Variants in BNC2 observed in about 807,000 individuals in gnomAD.
BNC2 encodes the protein zinc finger protein basonuclin-2.
BNC2 carries 20 observed loss-of-function variants against 76.3 expected under a neutral mutation model. The ratio of observed to expected loss-of-function variants is 0.26; its 90% CI spans 0.18 to 0.38. The LOEUF is 0.38. BNC2 is among the 10% of genes least tolerant of loss of function. The pLI, the probability that BNC2 is intolerant of heterozygous loss-of-function variation, is 1.00. For synonymous variants in BNC2, 582 were observed against 514.8 expected, an observed-to-expected ratio of 1.13 and a Z score of -1.77; for missense variants, 1,382 against 1,399.8, an observed-to-expected ratio of 0.99 and a Z score of 0.20.
At chr9:16,854,392 T>C (rs1164089588) in intron 1 of BNC2, among the ~76,000 whole-genome samples, 5 of 152,188 alleles carry the variant, frequency 3.3e-5, no homozygotes, top group Admixed American at 6.5e-5. Flanking sequence ...AGAAAACAGA[T>C]ACAGAGATTA....
intron 1 of BNC2, among the ~76,000 whole-genome samples, chr9:16,773,176 C>T (rs965585010): frequency 6.6e-6 from 1 of 152,158 alleles, no homozygotes; most frequent in Non-Finnish European, 1.5e-5. Context: ...TCAGACACTG[C>T]AGTTCATAAA....
chr9:16,519,993 G>A (rs60889821), intron 5 of BNC2, among the ~76,000 whole-genome samples: 5,404 of 152,152 alleles, frequency 0.036, 330 homozygotes, highest in African/African-American at 0.12. Context: ...AGAATCCAAG[G>A]ACCAAATCAA....
chr9:16,741,053 A>C (rs1477377503), intron 1 of BNC2, among the ~76,000 whole-genome samples: 1 of 152,160 alleles, frequency 6.6e-6, no homozygotes, highest in African/African-American at 2.4e-5. Flanking sequence ...TCAATAAATA[A>C]CAGCTACATG....
chr9:16,486,614 C>T (rs1004833087), intron 5 of BNC2, among the ~76,000 whole-genome samples: 3 of 152,244 alleles, frequency 2.0e-5, no homozygotes, highest in South Asian at 2.1e-4. Context: ...TTTAATGACA[C>T]ATTAGGCTCT....
At chr9:16,708,346 T>C (rs144771081) in intron 3 of BNC2, among the ~76,000 whole-genome samples, 1 of 152,200 alleles carries the variant, frequency 6.6e-6, no homozygotes, top group Non-Finnish European at 1.5e-5. Context: ...AGTTTTCTCA[T>C]GAACTTCTAT....
chr9:16,544,664 C>A (rs183964652), intron 5 of BNC2, among the ~76,000 whole-genome samples: 408 of 151,868 alleles, frequency 2.7e-3, no homozygotes, highest in Non-Finnish European at 4.7e-3. Flanking sequence ...ACTAAAAATA[C>A]AAAAATTAGC....
At chr9:16,644,362 A>G (rs1472277567) in intron 3 of BNC2, among the ~76,000 whole-genome samples, 1 of 152,194 alleles carries the variant, frequency 6.6e-6, no homozygotes, top group Non-Finnish European at 1.5e-5. Flanking sequence ...TTTTGATTAA[A>G]ATTTTTAAAC....
chr9:16,470,324 G>A (rs1479829411), intron 5 of BNC2, among the ~76,000 whole-genome samples: 1 of 152,114 alleles, frequency 6.6e-6, no homozygotes, highest in Admixed American at 6.6e-5. Flanking sequence ...GGGAAGCAGA[G>A]CACAAAAGTT....
At chr9:16,785,891 T>C (rs967179584) in intron 1 of BNC2, among the ~76,000 whole-genome samples, 7 of 151,856 alleles carry the variant, frequency 4.6e-5, no homozygotes, top group Non-Finnish European at 8.8e-5. Context: ...TGCTGGGGCC[T>C]TTTCCCAGGG....
chr9:16,628,450 A>G (rs1821062576), intron 3 of BNC2, among the ~76,000 whole-genome samples: 1 of 152,212 alleles, frequency 6.6e-6, no homozygotes, highest in South Asian at 2.1e-4. Flanking sequence ...CAATTAAAGG[A>G]AAACACCTCT....
At chr9:16,761,673 T>C (rs1051267227) in intron 1 of BNC2, among the ~76,000 whole-genome samples, 2 of 152,208 alleles carry the variant, frequency 1.3e-5, no homozygotes, top group African/African-American at 4.8e-5. Context: ...TAATAAATGA[T>C]GGATGTCTTT....
At chr9:16,746,183 G>A (rs565507693) in intron 1 of BNC2, among the ~76,000 whole-genome samples, 1 of 152,112 alleles carries the variant, frequency 6.6e-6, no homozygotes, top group Non-Finnish European at 1.5e-5. Context: ...AGTCACCCAG[G>A]AGGTTGATAA....
At chr9:16,791,742 T>C (rs1193395269) in intron 1 of BNC2, among the ~76,000 whole-genome samples, 2 of 152,148 alleles carry the variant, frequency 1.3e-5, no homozygotes, top group African/African-American at 4.8e-5. Flanking sequence ...AAATAAGTAA[T>C]ACTACTACCT....
intron 5 of BNC2, among the ~76,000 whole-genome samples, chr9:16,481,454 A>C (rs1217964375): frequency 6.6e-6 from 1 of 152,160 alleles, no homozygotes; most frequent in Non-Finnish European, 1.5e-5. Context: ...TCACTCCTGA[A>C]GCCAGCGAGA....
At chr9:16,480,294 A>C (rs1443785081) in intron 5 of BNC2, among the ~76,000 whole-genome samples, 1 of 152,240 alleles carries the variant, frequency 6.6e-6, no homozygotes, top group Non-Finnish European at 1.5e-5. Flanking sequence ...CTGCCTGATG[A>C]AAACCCAATC....
chr9:16,528,177 TTAAGA>T (rs1325041315), intron 5 of BNC2, among the ~76,000 whole-genome samples: 2 of 152,322 alleles, frequency 1.3e-5, no homozygotes, highest in African/African-American at 2.4e-5. Flanking sequence ...TAATTATTAC[TTAAGA>T]TAATTGTTAC....
Position 16,419,265 on chromosome 9 carries a change from G to A in BNC2, c.3024C>T (p.Ala1008=), listed in dbSNP as rs181254955. ...CCCCTAGGCTGCCAGGGAGGGCAGG[G>A]GCCTCGGCCTTGTGTGCCGACTCCC... ...DSGESAHKAE[A]PALPGSLGAE... Residue 1008 remains alanine, a synonymous_variant, in exon 7 of 7, where the codon GCC becomes GCT. Transcript: ENST00000380672. 6.5e-5 allele frequency: 105 copies of A among 1,614,180 alleles called. 2 individuals carry two copies. The Admixed American group carries it at 1.5e-3, about 24-fold the overall frequency.
At chr9:16,572,342 A>G (rs1819349138) in intron 4 of BNC2, among the ~76,000 whole-genome samples, 1 of 152,242 alleles carries the variant, frequency 6.6e-6, no homozygotes, top group South Asian at 2.1e-4. Context: ...CTGGAAAAGA[A>G]AAACGCACAA....
chr9:16,681,463 G>A (rs1822819413), intron 3 of BNC2, among the ~76,000 whole-genome samples: 1 of 152,146 alleles, frequency 6.6e-6, no homozygotes, highest in Non-Finnish European at 1.5e-5. Flanking sequence ...GGTTTGCTGA[G>A]GGAAAGAGCA....
Sources: allele counts gnomAD v4.1 joint callset (sites outside exome capture counted in the v4.1 genomes callset), GRCh38; gene constraint gnomAD v4.1.1; transcripts MANE v1.5; gene names NCBI Gene and HGNC (gene_info 2026-07-23, HGNC 2026-07-21).